Variants in CHL1 observed in about 807,000 individuals in gnomAD.
CHL1 encodes neural cell adhesion molecule L1-like protein.
A neutral mutation model predicts 141.9 loss-of-function variants in CHL1; 96 were observed. That is an observed-to-expected ratio of 0.68 (90% confidence interval 0.57 to 0.80). CHL1 has a LOEUF of 0.80. Among genes scored for constraint, CHL1 ranks in the 30% least tolerant of loss-of-function variants. CHL1 has a pLI of 0.00. For missense variants in CHL1, 1,820 were observed against 1,457.2 expected (o/e 1.25, Z -4.05); for synonymous variants, 613 against 502.2 (o/e 1.22, Z -2.95).
intron 27 of CHL1, among the ~76,000 whole-genome samples, chr3:401,919 C>T (rs1709172758): frequency 6.6e-6 from 1 of 152,150 alleles, no homozygotes; most frequent in Admixed American, 6.5e-5. Flanking sequence ...GCAGAAATGT[C>T]AGGTAGGACA....
Position 315,917 on chromosome 3 carries a change from G to A in CHL1, c.-94-3766G>A, listed in dbSNP as rs532085112. Among the ~76,000 whole-genome samples the A allele has an allele frequency of 7.9e-5, 12 of 152,216 alleles. No homozygotes were observed. In the East Asian group the frequency reaches 2.1e-3, roughly 27 times the overall value. Reference sequence around the variant, plus strand: ...AAACAACTCTCTCTCTAGTGAGAGAGAGGGGCTTCCCAGAGGAAAAGGCTG... The same window carrying A: ...AAACAACTCTCTCTCTAGTGAGAGAAAGGGGCTTCCCAGAGGAAAAGGCTG... On this transcript the variant is annotated intron_variant, in intron 2 of 27. Transcript: ENST00000256509.
At chr3:214,004 A>G (rs1013969902) in intron 1 of CHL1, among the ~76,000 whole-genome samples, 2 of 152,206 alleles carry the variant, frequency 1.3e-5, no homozygotes, top group Non-Finnish European at 2.9e-5. Context: ...AGCCAAACAT[A>G]GGTGGAATAT....
intron 10 of CHL1, among the ~76,000 whole-genome samples, chr3:351,003 GCA>G (rs372740095): frequency 5.9e-5 from 9 of 151,770 alleles, no homozygotes; most frequent in Non-Finnish European, 8.8e-5. Context: ...CCCCTCCCTG[GCA>G]CACACACACC....
intron 2 of CHL1, among the ~76,000 whole-genome samples, chr3:274,738 C>A (rs1266181707): frequency 1.3e-5 from 2 of 152,158 alleles, no homozygotes; most frequent in Non-Finnish European, 2.9e-5. Context: ...TAACTTTTTT[C>A]CACAATTTGT....
At chr3:211,114 C>G (rs1344141402) in intron 1 of CHL1, among the ~76,000 whole-genome samples, 1 of 152,064 alleles carries the variant, frequency 6.6e-6, no homozygotes, top group Non-Finnish European at 1.5e-5. Flanking sequence ...ACGGTGAACC[C>G]CAAATGTCAG....
intron 25 of CHL1, among the ~76,000 whole-genome samples, chr3:398,812 G>A (rs1708884532): frequency 6.6e-6 from 1 of 151,956 alleles, no homozygotes; most frequent in South Asian, 2.1e-4. Flanking sequence ...AACACAACTC[G>A]AAGAAGTCCC....
chr3:229,337 G>C (rs1701662600), intron 1 of CHL1, among the ~76,000 whole-genome samples: 5 of 152,136 alleles, frequency 3.3e-5, no homozygotes, highest in African/African-American at 1.2e-4. Context: ...ATTCACAGAA[G>C]GTTCTCTGAC....
chr3:371,870 A>G (rs1188434875), intron 15 of CHL1, among the ~76,000 whole-genome samples: 1 of 152,098 alleles, frequency 6.6e-6, no homozygotes, highest in African/African-American at 2.4e-5. Flanking sequence ...TGTGAAGCTT[A>G]GTTTGACAGG....
intron 2 of CHL1, among the ~76,000 whole-genome samples, chr3:264,919 A>G (rs1695028621): frequency 6.6e-6 from 1 of 152,206 alleles, no homozygotes; most frequent in Non-Finnish European, 1.5e-5. Context: ...TTTATTTTGA[A>G]CACTAGGAAA....
rs140721455 is a variant in CHL1, at chr3:396,213, A to C, written c.3094+1341A>C. On this transcript the variant is annotated intron_variant, in intron 24 of 27. Transcript: ENST00000256509. ...TTACCTACTCATAAAAGTTAGACTT[A>C]AAGATGGGGATTGGAAACTTCCCAG... Among the ~76,000 whole-genome samples, 122 of 152,318 alleles carry C rather than the reference A, an allele frequency of 8.0e-4. 1 individual carries two copies. In the Middle Eastern group the frequency reaches 0.01, roughly 13 times the overall value.
chr3:279,909 T>A (rs1696481996), intron 2 of CHL1, among the ~76,000 whole-genome samples: 1 of 152,208 alleles, frequency 6.6e-6, no homozygotes, highest in African/African-American at 2.4e-5. Flanking sequence ...GAAAATGTGT[T>A]AATGCCTTTA....
At chr3:369,459 G>C (rs965921433) in intron 15 of CHL1, among the ~76,000 whole-genome samples, 1 of 152,188 alleles carries the variant, frequency 6.6e-6, no homozygotes, top group African/African-American at 2.4e-5. Flanking sequence ...TGTATCCTGA[G>C]ACATTGCTAA....
Position 334,110 on chromosome 3 carries a change from C to T in CHL1, c.385+5756C>T, listed in dbSNP as rs142427372. Among the ~76,000 whole-genome samples the T allele has an allele frequency of 2.4e-3, 373 of 152,300 alleles. 1 individual carries two copies. The highest frequency in any genetic ancestry group is 8.1e-3 in the African/African-American group (336 of 41,552). On this transcript the variant is annotated intron_variant, in intron 5 of 27. Transcript: ENST00000256509. ...TAGCTGGGACTACAGGCATGTACCACCATGCCCACCTATAAACATCTTTTT... is the reference window on the plus strand; with the variant it reads ...TAGCTGGGACTACAGGCATGTACCATCATGCCCACCTATAAACATCTTTTT...
chr3:362,014 G>C (rs774019197), intron 13 of CHL1, among the ~76,000 whole-genome samples: 5 of 152,166 alleles, frequency 3.3e-5, no homozygotes, highest in Non-Finnish European at 7.3e-5. Flanking sequence ...TTCTCACATA[G>C]AGACATACAG....
chr3:215,787 A>T (rs1192627739), intron 1 of CHL1, among the ~76,000 whole-genome samples: 1 of 152,146 alleles, frequency 6.6e-6, no homozygotes, highest in African/African-American at 2.4e-5. Flanking sequence ...CTGTGCATTG[A>T]AGCATCTCTT....
chr3:305,577 C>T (rs1699154199), intron 2 of CHL1, among the ~76,000 whole-genome samples: 1 of 151,818 alleles, frequency 6.6e-6, no homozygotes, highest in Non-Finnish European at 1.5e-5. Context: ...AACCCATGGT[C>T]TTTACCTGTT....
intron 1 of CHL1, among the ~76,000 whole-genome samples, chr3:210,328 A>C (rs1409135249): frequency 1.3e-5 from 2 of 152,222 alleles, no homozygotes; most frequent in African/African-American, 4.8e-5. Context: ...TAGGTGAGGA[A>C]TTTAGGCAGG....
chr3:197,410 C>T (rs1000497138), intron 1 of CHL1: 1 of 154,564 alleles, frequency 6.5e-6, no homozygotes, highest in African/African-American at 2.4e-5. Flanking sequence ...CACCCCATCC[C>T]TCGCTGCTCT....
chr3:340,471 A>C (rs887928432), intron 5 of CHL1, among the ~76,000 whole-genome samples: 1 of 152,236 alleles, frequency 6.6e-6, no homozygotes, highest in East Asian at 1.9e-4. Flanking sequence ...TATCAAAGCT[A>C]AAGCAAGAAA....
Sources: allele counts gnomAD v4.1 joint callset (sites outside exome capture counted in the v4.1 genomes callset), GRCh38; gene constraint gnomAD v4.1.1; transcripts MANE v1.5; gene names NCBI Gene and HGNC (gene_info 2026-07-23, HGNC 2026-07-21).